Variants in ABCC1 observed in about 807,000 individuals in gnomAD.
The protein encoded by ABCC1 is multidrug resistance-associated protein 1.
Under a neutral mutation model 172.9 loss-of-function variants are expected in ABCC1, and 83 were observed. The ratio of observed to expected loss-of-function variants is 0.48; its 90% CI spans 0.40 to 0.58. ABCC1 has a LOEUF of 0.58. Among genes scored for constraint, ABCC1 ranks in the 20% least tolerant of loss-of-function variants. The pLI is 0.00. For synonymous variants in ABCC1, 937 were observed against 825.2 expected, an observed-to-expected ratio of 1.14 and a Z score of -2.32; for missense variants, 1,817 against 2,002.7, an observed-to-expected ratio of 0.91 and a Z score of 1.77.
Position 16,048,279 on chromosome 16 carries a change from C to G in ABCC1, c.1356C>G (p.Ile452Met), listed in dbSNP as rs377285314. The G allele has an allele frequency of 6.7e-5, 108 of 1,614,132 alleles. 1 individual carries two copies. The Admixed American group carries it at 7.8e-4, about 12-fold the overall frequency. Residue 452 changes from isoleucine to methionine, a missense_variant, in exon 10 of 31, where the codon ATC (isoleucine) becomes ATG (methionine). Coordinates refer to ENST00000399410, the MANE Select transcript of ABCC1 (RefSeq NM_004996.4). ...NMIWSAPLQV[I>M]LALYLLWLNL... ...TCTGGTCAGCCCCCCTGCAAGTCAT[C>G]CTTGCTCTCTACCTCCTGTGGCTGG...
intron 5 of ABCC1, among the ~76,000 whole-genome samples, chr16:16,024,956 A>G (rs950161848): frequency 2.0e-5 from 3 of 152,052 alleles, no homozygotes; most frequent in Admixed American, 6.6e-5. Context: ...AGGGGGGAAG[A>G]TTTCTTGAGA....
At chr16:16,058,760 T>C (rs1259478173) in intron 12 of ABCC1, among the ~76,000 whole-genome samples, 1 of 152,164 alleles carries the variant, frequency 6.6e-6, no homozygotes, top group African/African-American at 2.4e-5. Context: ...AAGCGATTCT[T>C]CCACCTCAGC....
chr16:16,086,804 C>T lies in ABCC1; in HGVS notation c.2293-20C>T, dbSNP rs2051025875. On this transcript the variant is annotated intron_variant, in intron 17 of 30. Coordinates refer to ENST00000399410, the MANE Select transcript of ABCC1 (RefSeq NM_004996.4). ...TCAAGATTTCCCAGGAAACCCACTC[C>T]TGTGTGTGTCTCTCCCCAGGGCGTG... 1 of 1,611,520 alleles carries T rather than the reference C, an allele frequency of 6.2e-7. No homozygotes were observed. The highest frequency in any genetic ancestry group is 1.3e-5 in the African/African-American group (1 of 74,872).
intron 16 of ABCC1, among the ~76,000 whole-genome samples, chr16:16,083,005 T>G (rs1170250863): frequency 1.3e-5 from 2 of 152,220 alleles, no homozygotes; most frequent in Non-Finnish European, 2.9e-5. Flanking sequence ...ACCGTAACTG[T>G]AATCAAGTAG....
In ABCC1 at chr16:16,141,164, C is replaced by T; in HGVS notation, c.4488-9C>T. 2 of 1,613,146 alleles carry T rather than the reference C, an allele frequency of 1.2e-6. No individual in the cohort carries two copies. The highest frequency in any genetic ancestry group is 1.7e-6 in the Non-Finnish European group (2 of 1,179,308). Reference sequence around the variant, plus strand: ...CCTTCCCCTCATGTCTGTATCCCCTCTCCCTCAGGGTGATCGTCTTGGACA... The same window carrying T: ...CCTTCCCCTCATGTCTGTATCCCCTTTCCCTCAGGGTGATCGTCTTGGACA... On this transcript the variant is annotated splice_polypyrimidine_tract_variant and intron_variant, in intron 30 of 30. Transcript: ENST00000399410.
rs4780593 is a variant in ABCC1, at chr16:16,111,286, A to C, written c.2872-89A>C. On this transcript the variant is annotated intron_variant, in intron 21 of 30. Transcript: ENST00000399410. ...GCAAAGGCAGGCAGCTGGGTGGCAC[A>C]GTGCTGGTGAAGCCCCCGACCTTGT... 8 of 1,049,320 alleles carry C rather than the reference A, an allele frequency of 7.6e-6. No homozygotes were observed. The African/African-American group carries it at 1.3e-4, about 17-fold the overall frequency. 65.0% of individuals were successfully genotyped at this position (1,049,320 alleles called of 1,614,324 possible).
At position 16,111,982 on chromosome 16, in the gene ABCC1, C is replaced by G. The variant is rs45572343; in HGVS notation, c.3079+400C>G. ...CGGAAATTGGCTTATACTAGTAATT[C>G]CCAATTATGGGCAGTGTTGTCCCTC... On this transcript the variant is annotated intron_variant, in intron 22 of 30. Transcript: ENST00000399410. 5.9e-3 allele frequency among the ~76,000 whole-genome samples: 895 copies of G among 152,242 alleles called. 11 individuals carry two copies. The highest frequency in any genetic ancestry group is 0.024 in the Middle Eastern group (7 of 294).
rs1169768554 is a variant in ABCC1 at position 16,051,154 on chromosome 16, T to G, written c.1381-1570T>G. Among the ~76,000 whole-genome samples the G allele has an allele frequency of 4.0e-5, 6 of 151,886 alleles. No homozygotes were observed. The East Asian group carries it at 5.8e-4, about 15-fold the overall frequency. Reference sequence around the variant, plus strand: ...TTTGTTGTGGGGGCTGTCTTTTTTTTTTGTTCTTGTTATTGTTTTTTTTGT... The same window carrying G: ...TTTGTTGTGGGGGCTGTCTTTTTTTGTTGTTCTTGTTATTGTTTTTTTTGT... On this transcript the variant is annotated intron_variant, in intron 10 of 30. Transcript: ENST00000399410.
chr16:16,005,385 G>T (rs1273939464), intron 1 of ABCC1, among the ~76,000 whole-genome samples: 2 of 145,950 alleles, frequency 1.4e-5, no homozygotes, highest in Non-Finnish European at 3.0e-5. Context: ...GTCTTGCTCT[G>T]TTGCCAGGCT....
intron 1 of ABCC1, among the ~76,000 whole-genome samples, chr16:15,972,576 A>C (rs972628153): frequency 3.9e-5 from 6 of 152,068 alleles, no homozygotes; most frequent in Non-Finnish European, 7.4e-5. Context: ...TCTATTCAGG[A>C]AAGTCCAAGC....
At chr16:15,981,868 T>G (rs1055148057) in intron 1 of ABCC1, among the ~76,000 whole-genome samples, 3 of 152,122 alleles carry the variant, frequency 2.0e-5, no homozygotes, top group African/African-American at 7.3e-5. Context: ...TGCTTCCTCT[T>G]AAACACTTTG....
chr16:16,076,449 G>C, intron 15 of ABCC1, 48 bp downstream of exon 15: 1 of 1,519,614 alleles, frequency 6.6e-7, no homozygotes, highest in Non-Finnish European at 8.9e-7. Flanking sequence ...GAGCCACAGG[G>C]CTTTTGTTAA....
intron 2 of ABCC1, 55 bp from the exon 3 acceptor site, chr16:16,009,721 C>A (rs899118499): frequency 6.6e-7 from 1 of 1,512,440 alleles, no homozygotes; most frequent in Non-Finnish European, 8.9e-7. Context: ...CGTGCAGGCC[C>A]TGGGGGAGGT....
chr16:16,069,723 AAAAG>A (rs1456071133), intron 13 of ABCC1, among the ~76,000 whole-genome samples: 1 of 152,022 alleles, frequency 6.6e-6, no homozygotes, highest in Non-Finnish European at 1.5e-5. Flanking sequence ...CATTAAAAGA[AAAAG>A]AAAAAGAAAA....
intron 1 of ABCC1, among the ~76,000 whole-genome samples, chr16:15,985,338 T>C (rs1597074335): frequency 6.6e-6 from 1 of 152,188 alleles, no homozygotes; most frequent in Non-Finnish European, 1.5e-5. Context: ...GGCAAGGGTA[T>C]TGAGATGTGA....
At chr16:16,103,337 C>A (rs1241889812) in intron 20 of ABCC1, among the ~76,000 whole-genome samples, 1 of 152,048 alleles carries the variant, frequency 6.6e-6, no homozygotes, top group South Asian at 2.1e-4. Context: ...CCCAGCACTT[C>A]GGGAGGCTGA....
chr16:16,008,393 G>T (rs187721251), intron 2 of ABCC1, among the ~76,000 whole-genome samples: 3 of 151,602 alleles, frequency 2.0e-5, no homozygotes, highest in South Asian at 4.2e-4. Context: ...TTGTAGAGAG[G>T]GGGGACTTGC....
At chr16:16,072,741 C>T (rs763276838) in intron 14 of ABCC1, among the ~76,000 whole-genome samples, 43 of 151,840 alleles carry the variant, frequency 2.8e-4, no homozygotes, top group Non-Finnish European at 5.4e-4. Flanking sequence ...TCTCTCTAGG[C>T]ACTTAATAAT....
intron 27 of ABCC1, among the ~76,000 whole-genome samples, chr16:16,132,985 A>C (rs1433593636): frequency 6.6e-6 from 1 of 152,162 alleles, no homozygotes; most frequent in East Asian, 1.9e-4. Context: ...GGTTCACCCC[A>C]GTCCCTCCCT....
Sources: gnomAD v4.1 joint callset for allele counts (sites outside exome capture counted in the v4.1 genomes callset) on GRCh38, gnomAD v4.1.1 for gene constraint, MANE v1.5 for transcripts, NCBI Gene and HGNC (gene_info 2026-07-23, HGNC 2026-07-21) for gene names.